The following SLC12A9 variants were observed in gnomAD, a reference collection of about 807,000 sequenced individuals.
SLC12A9 encodes the protein solute carrier family 12 member 9, also known as CCC-interacting protein 1.
Under a neutral mutation model 66.0 loss-of-function variants are expected in SLC12A9, and 55 were observed. The ratio of observed to expected loss-of-function variants is 0.83; its 90% CI spans 0.67 to 1.04. The LOEUF (loss-of-function observed/expected upper bound fraction) is 1.04. SLC12A9 is among the 50% of genes least tolerant of loss of function. The pLI, the probability that SLC12A9 is intolerant of heterozygous loss-of-function variation, is 0.00. For missense variants in SLC12A9, 1,061 were observed against 1,241.9 expected (o/e 0.85, Z 2.19); for synonymous variants, 577 against 569.0 (o/e 1.01, Z -0.20).
intron 1 of SLC12A9, chr7:100,827,142 C>G (rs1813428790): frequency 8.1e-7 from 1 of 1,228,048 alleles, no homozygotes; most frequent in South Asian, 1.5e-5. Context: ...GACTCCTCGT[C>G]GGGGCCCTCA....
At chr7:100,855,604 TG>T in intron 3 of SLC12A9, 101 bp from the exon 4 acceptor site, 1 of 1,528,414 alleles carries the variant, frequency 6.5e-7, no homozygotes, top group Non-Finnish European at 9.0e-7. Context: ...GCCACATGGC[TG>T]GGGCCTGGCT....
intron 2 of SLC12A9, 86 bp from the exon 3 acceptor site, chr7:100,854,534 G>A: frequency 1.2e-6 from 2 of 1,600,834 alleles, no homozygotes; most frequent in Non-Finnish European, 1.7e-6. Flanking sequence ...CTTGCATTTA[G>A]CTCCACCCTG....
In SLC12A9 at chr7:100,861,686, G is replaced by C; in HGVS notation, c.1537-51G>C. The C allele has an allele frequency of 6.2e-7, 1 of 1,613,040 alleles. No homozygotes were observed. Among genetic ancestry groups the C allele is most frequent in the South Asian group, 1.1e-5 (1 of 91,058 alleles). On this transcript the variant is annotated intron_variant, in intron 11 of 13. Transcript: ENST00000354161. The surrounding 1 kb of genome is among the most constrained non-coding windows in gnomAD (Gnocchi z 5.3). The stretch of plus-strand genomic sequence containing the variant: ...CTCCCGTCCAGGAGGCGCTGAACGG[G>C]GCTGTGCATTTGATCCTGCCACTTC...
rs991669331 is a variant in SLC12A9 at position 100,866,784 on chromosome 7, G to C, written c.*179G>C. ...TCACGCCCACCTCCTTTGGCAGAGG[G>C]ACCCCAGCACACTAACTCTGGGTGG... On this transcript the variant is annotated 3_prime_UTR_variant, in exon 14 of 14. Coordinates refer to ENST00000354161, the MANE Select transcript of SLC12A9 (RefSeq NM_020246.4). The surrounding 1 kb of genome is among the most constrained non-coding windows in gnomAD (Gnocchi z 7.3). 1 of 628,540 alleles carries C rather than the reference G, an allele frequency of 1.6e-6. No homozygotes were observed. The highest frequency in any genetic ancestry group is 2.6e-6 in the Non-Finnish European group (1 of 389,360). 38.9% of individuals were successfully genotyped at this position (628,540 alleles called of 1,614,324 possible).
chr7:100,851,670 T>C (rs999405093), upstream of SLC12A9, among the ~76,000 whole-genome samples: 2 of 149,342 alleles, frequency 1.3e-5, no homozygotes, highest in Admixed American at 6.8e-5. Context: ...TGTGCCTGTG[T>C]AGTTCCAGGC....
chr7:100,827,321 C>G (rs1027470148), intron 1 of SLC12A9: 1 of 152,006 alleles, frequency 6.6e-6, no homozygotes, highest in African/African-American at 2.4e-5. Context: ...GCCTCGGGGT[C>G]CCGCCCCGGG....
At chr7:100,853,474 A>C (rs1814194049) in intron 1 of SLC12A9, 1 of 151,812 alleles carries the variant, frequency 6.6e-6, no homozygotes, top group African/African-American at 2.4e-5. Flanking sequence ...TTTGTGGGGC[A>C]GTGGCTGGTA....
rs1226288870 is a variant in SLC12A9, at chr7:100,866,144, C to A, written c.2284C>A (p.His762Asn). Residue 762 changes from histidine (H) to asparagine (N), a missense_variant, in exon 14 of 14, where the codon CAT (histidine) becomes AAT (asparagine). His to Asn is a moderately conservative substitution (Grantham distance 68). Transcript: ENST00000354161. This position sits in a 1 kb window ranked among gnomAD's most constrained non-coding sequence, Gnocchi z 7.3. ...ATILGMVPAW[H>N]SARLRIFLCL... Reference sequence around the variant, plus strand: ...CATCTTGGGCATGGTGCCCGCTTGGCATAGCGCCCGGCTCCGGATCTTCCT... The same window carrying A: ...CATCTTGGGCATGGTGCCCGCTTGGAATAGCGCCCGGCTCCGGATCTTCCT... The A allele has an allele frequency of 2.5e-6, 4 of 1,612,752 alleles. No individual in the cohort carries two copies. The African/African-American group carries it at 5.3e-5, about 22-fold the overall frequency.
At chr7:100,846,802 C>G (rs1200333420) in intron 1 of SLC12A9, among the ~76,000 whole-genome samples, 1 of 152,088 alleles carries the variant, frequency 6.6e-6, no homozygotes, top group Non-Finnish European at 1.5e-5. Flanking sequence ...AACTAAAAGG[C>G]AGAAATAAAA....
Position 100,861,673 on chromosome 7 carries a change from A to C in SLC12A9, c.1537-64A>C. 27 of 1,607,772 alleles carry C rather than the reference A, an allele frequency of 1.7e-5. No individual in the cohort carries two copies. Among genetic ancestry groups the C allele is most frequent in the Non-Finnish European group, 2.2e-5 (26 of 1,174,562 alleles). On this transcript the variant is annotated intron_variant, in intron 11 of 13. Coordinates refer to ENST00000354161, the MANE Select transcript of SLC12A9 (RefSeq NM_020246.4). This position sits in a 1 kb window ranked among gnomAD's most constrained non-coding sequence, Gnocchi z 5.3. Reference sequence around the variant, plus strand: ...GCTGGAGTTGGTGCTCCCGTCCAGGAGGCGCTGAACGGGGCTGTGCATTTG... The same window carrying C: ...GCTGGAGTTGGTGCTCCCGTCCAGGCGGCGCTGAACGGGGCTGTGCATTTG...
upstream of SLC12A9, among the ~76,000 whole-genome samples, chr7:100,852,154 G>T (rs1814109537): frequency 6.6e-6 from 1 of 152,196 alleles, no homozygotes; most frequent in Admixed American, 6.5e-5. Flanking sequence ...AAGAAAGCGG[G>T]CATCAGACGG....
intron 5 of SLC12A9, 38 bp downstream of exon 5, chr7:100,857,214 AG>A: frequency 1.3e-6 from 2 of 1,581,154 alleles, no homozygotes; most frequent in Admixed American, 3.4e-5. Context: ...TCTCGGGGTG[AG>A]GGGTGGGCAG....
intron 1 of SLC12A9, among the ~76,000 whole-genome samples, chr7:100,845,847 C>T (rs566549190): frequency 2.0e-5 from 3 of 152,258 alleles, no homozygotes; most frequent in Admixed American, 6.5e-5. Flanking sequence ...GATACTGGAC[C>T]CCCATTTATA....
intron 9 of SLC12A9, 179 bp downstream of exon 9, chr7:100,860,411 C>T (rs1814675542): frequency 1.5e-6 from 1 of 663,950 alleles, no homozygotes; most frequent in Admixed American, 3.1e-5. Flanking sequence ...TTGCAGGTTG[C>T]CCCAGTGCTT....
At chr7:100,827,401 C>CCGAG (rs978958008) in intron 1 of SLC12A9, 11 of 150,590 alleles carry the variant, frequency 7.3e-5, no homozygotes, top group Admixed American at 5.9e-4. Context: ...CGCCGCCGGG[C>CCGAG]CGAGTGCTCT....
At position 100,866,721 on chromosome 7, in the gene SLC12A9, G is replaced by A; in HGVS notation, c.*116G>A. The A allele has an allele frequency of 1.7e-6, 2 of 1,160,028 alleles. No individual in the cohort carries two copies. The highest frequency in any genetic ancestry group is 1.2e-6 in the Non-Finnish European group (1 of 862,326). The allele number at this position is 1,160,028 out of a possible 1,614,324, so 71.9% of individuals were successfully genotyped here. A position where few individuals can be genotyped will look rare whatever the true frequency, so the allele number is the denominator to read the frequency against. The stretch of plus-strand genomic sequence containing the variant: ...CGTGGCCCTGCCCTTGGGACGTGGA[G>A]CCCAGGGGAGGTTTGAAGGGGATCC... On this transcript the variant is annotated 3_prime_UTR_variant, in exon 14 of 14. Transcript: ENST00000354161. The surrounding 1 kb of genome is among the most constrained non-coding windows in gnomAD (Gnocchi z 7.3).
At chr7:100,843,732 C>T (rs752447633) in intron 1 of SLC12A9, among the ~76,000 whole-genome samples, 18 of 152,204 alleles carry the variant, frequency 1.2e-4, no homozygotes, top group Admixed American at 2.0e-4. Context: ...ACCAAAGGAC[C>T]TCATTGGTTA....
chr7:100,855,839 T>G lies in SLC12A9; in HGVS notation c.448+2T>G. ...CTGTGCTTGATGTCTTCGGGGCCGGTCTGTGCTCTGTCCGATCTGGGCAGT... is the reference window on the plus strand; with the variant it reads ...CTGTGCTTGATGTCTTCGGGGCCGGGCTGTGCTCTGTCCGATCTGGGCAGT... On this transcript the variant is annotated splice_donor_variant, in intron 4 of 13. Coordinates refer to ENST00000354161, the MANE Select transcript of SLC12A9 (RefSeq NM_020246.4). LOFTEE classifies it high-confidence loss of function. The G allele has an allele frequency of 5.6e-6, 9 of 1,601,834 alleles. No individual in the cohort carries two copies. Among genetic ancestry groups the G allele is most frequent in the Non-Finnish European group, 7.7e-6 (9 of 1,173,580 alleles).
Position 100,846,927 on chromosome 7 carries a change from A to T in SLC12A9, n.229-12958A>T, listed in dbSNP as rs1264380936. On this transcript the variant is annotated intron_variant and non_coding_transcript_variant, in intron 1 of 1. Transcript: ENST00000461016. ...AGACATTGTATAGAAAAGCACTGTG[A>T]AAATCCCTGTCCTGTTTTCTTCCAA... 3.3e-5 allele frequency among the ~76,000 whole-genome samples: 5 copies of T among 152,326 alleles called. No individual in the cohort carries two copies. The East Asian group carries it at 9.6e-4, about 29-fold the overall frequency.
Sources: gnomAD v4.1 joint callset for allele counts (sites outside exome capture counted in the v4.1 genomes callset) on GRCh38, gnomAD v4.1.1 for gene constraint, Gnocchi (gnomAD v3.1) non-coding constraint, MANE v1.5 for transcripts, NCBI Gene and HGNC (gene_info 2026-07-23, HGNC 2026-07-21) for gene names.